PCDH9: variants seen among roughly 807,000 people sequenced by gnomAD.
The protein encoded by PCDH9 is protocadherin-9.
A neutral mutation model predicts 70.6 loss-of-function variants in PCDH9; 24 were observed. That is an observed-to-expected ratio of 0.34 (90% CI 0.25 to 0.48). PCDH9 has a LOEUF of 0.48. PCDH9 is among the 20% of genes least tolerant of loss of function. PCDH9 has a pLI of 0.99. For missense variants in PCDH9, 1,281 were observed against 1,503.6 expected, an observed-to-expected ratio of 0.85 and a Z score of 2.45; for synonymous variants, 562 against 558.5, an observed-to-expected ratio of 1.01 and a Z score of -0.09.
intron 2 of PCDH9, among the ~76,000 whole-genome samples, chr13:67,178,367 T>C (rs1313899841): frequency 6.6e-6 from 1 of 152,106 alleles, no homozygotes; most frequent in African/African-American, 2.4e-5. Context: ...CAATAATATA[T>C]TGGAAAGAAT....
chr13:66,577,836 G>T (rs527621354), intron 4 of PCDH9, among the ~76,000 whole-genome samples: 1 of 152,098 alleles, frequency 6.6e-6, no homozygotes, highest in Non-Finnish European at 1.5e-5. Flanking sequence ...CCTAGAAAAT[G>T]ACAGATGCAT....
intron 2 of PCDH9, among the ~76,000 whole-genome samples, chr13:67,123,929 T>C (rs2086925136): frequency 6.6e-6 from 1 of 151,870 alleles, no homozygotes; most frequent in African/African-American, 2.4e-5. Flanking sequence ...GACTCACTAC[T>C]AAAGAATCTT....
At chr13:66,876,246 G>C (rs188807199) in intron 3 of PCDH9, among the ~76,000 whole-genome samples, 1 of 152,068 alleles carries the variant, frequency 6.6e-6, no homozygotes, top group African/African-American at 2.4e-5. Context: ...GAATCAGAGA[G>C]TAAGAAAGTA....
Position 66,303,640 on chromosome 13 carries a change from ATACATTAGTTT to A in PCDH9, c.*1004_*1014del, listed in dbSNP as rs1250437061. 1 of 152,490 alleles carries A rather than the reference ATACATTAGTTT, an allele frequency of 6.6e-6. No homozygotes were observed. Among genetic ancestry groups the A allele is most frequent in the Non-Finnish European group, 1.5e-5 (1 of 67,994 alleles). The allele number at this position is 152,490 out of a possible 1,614,324, so 9.4% of individuals were successfully genotyped here. On this transcript the variant is annotated 3_prime_UTR_variant, in exon 5 of 5. Coordinates refer to ENST00000377865, the MANE Select transcript of PCDH9 (RefSeq NM_203487.3). ...TTTTCTTCCATATATGCTAATTTTG[ATACATTAGTTT>A]TACATGAGTGACAAGTACAGGATAT...
chr13:67,190,134 A>T (rs553373122), intron 2 of PCDH9, among the ~76,000 whole-genome samples: 55 of 152,164 alleles, frequency 3.6e-4, no homozygotes, highest in South Asian at 2.7e-3. Flanking sequence ...AAAGAATCTT[A>T]GAAATTGTAC....
intron 3 of PCDH9, among the ~76,000 whole-genome samples, chr13:66,695,453 A>C (rs2078549273): frequency 6.6e-6 from 1 of 152,198 alleles, no homozygotes; most frequent in African/African-American, 2.4e-5. Flanking sequence ...TCTTGAGCAC[A>C]CATAATATAA....
chr13:67,123,188 G>A (rs1207389796), intron 2 of PCDH9, among the ~76,000 whole-genome samples: 3 of 152,126 alleles, frequency 2.0e-5, no homozygotes, highest in Non-Finnish European at 4.4e-5. Context: ...GTTATTAACT[G>A]ATTCACAAAA....
chr13:67,215,596 A>T (rs1284519605), intron 2 of PCDH9: 1 of 152,144 alleles, frequency 6.6e-6, no homozygotes, highest in African/African-American at 2.4e-5. Context: ...ATTTCCTAAT[A>T]TGAAAAACCA....
At chr13:66,770,765 C>T (rs2079794725) in intron 3 of PCDH9, among the ~76,000 whole-genome samples, 1 of 152,102 alleles carries the variant, frequency 6.6e-6, no homozygotes, top group Non-Finnish European at 1.5e-5. Context: ...TTCTGGCAAA[C>T]TCTTCCTTCT....
At chr13:67,123,827 A>C (rs1003703781) in intron 2 of PCDH9, among the ~76,000 whole-genome samples, 2 of 151,832 alleles carry the variant, frequency 1.3e-5, no homozygotes, top group African/African-American at 4.8e-5. Context: ...TTTGTAAAAC[A>C]CCTTGTCACA....
At chr13:67,195,747 GA>G (rs2089046444) in intron 2 of PCDH9, among the ~76,000 whole-genome samples, 1 of 151,996 alleles carries the variant, frequency 6.6e-6, no homozygotes, top group Admixed American at 6.6e-5. Flanking sequence ...CAAGATACAA[GA>G]TATTACATAC....
intron 4 of PCDH9, among the ~76,000 whole-genome samples, chr13:66,612,789 A>T (rs1193549844): frequency 6.6e-6 from 1 of 151,268 alleles, no homozygotes; most frequent in Non-Finnish European, 1.5e-5. Flanking sequence ...GAAACACTCT[A>T]GCAGGGACTC....
chr13:66,799,247 T>C (rs1191362790), intron 3 of PCDH9, among the ~76,000 whole-genome samples: 1 of 152,108 alleles, frequency 6.6e-6, no homozygotes, highest in Non-Finnish European at 1.5e-5. Context: ...TTGGAAAGCG[T>C]TGGAGATAGT....
intron 2 of PCDH9, among the ~76,000 whole-genome samples, chr13:67,112,675 C>G (rs142103492): frequency 1.3e-3 from 200 of 151,750 alleles, no homozygotes; most frequent in African/African-American, 4.7e-3. Flanking sequence ...CCCTCCCTTC[C>G]TCCCTCGCTC....
chr13:67,099,743 C>T (rs780653002), intron 2 of PCDH9, among the ~76,000 whole-genome samples: 36 of 152,154 alleles, frequency 2.4e-4, no homozygotes, highest in Non-Finnish European at 3.7e-4. Flanking sequence ...ATAACATTCA[C>T]GCTCGCTCAC....
chr13:66,680,034 T>C (rs188572315), intron 3 of PCDH9, among the ~76,000 whole-genome samples: 3 of 152,088 alleles, frequency 2.0e-5, no homozygotes, highest in East Asian at 3.9e-4. Flanking sequence ...GGTAAGAATA[T>C]GCACATGTGT....
chr13:66,672,803 G>A (rs2078194779), intron 3 of PCDH9, among the ~76,000 whole-genome samples: 1 of 152,154 alleles, frequency 6.6e-6, no homozygotes, highest in Admixed American at 6.5e-5. Flanking sequence ...GCTGGATTTT[G>A]GATTTGCCTG....
chr13:66,712,828 A>G (rs2078813952), intron 3 of PCDH9, among the ~76,000 whole-genome samples: 1 of 152,198 alleles, frequency 6.6e-6, no homozygotes, highest in Non-Finnish European at 1.5e-5. Flanking sequence ...AGCATATATT[A>G]TATTAAATGT....
intron 3 of PCDH9, among the ~76,000 whole-genome samples, chr13:66,710,398 A>G (rs1231020217): frequency 6.6e-6 from 1 of 152,174 alleles, no homozygotes; most frequent in Non-Finnish European, 1.5e-5. Context: ...AGTATACAAA[A>G]TGACAGGACA....
Sources: gnomAD v4.1 joint callset for allele counts (sites outside exome capture counted in the v4.1 genomes callset) on GRCh38, gnomAD v4.1.1 for gene constraint, MANE v1.5 for transcripts, NCBI Gene and HGNC (gene_info 2026-07-23, HGNC 2026-07-21) for gene names.